The following EXOC2 variants were observed in gnomAD, a reference collection of about 807,000 sequenced individuals.
EXOC2 encodes SEC5-like 1.
In EXOC2, 70 loss-of-function variants were observed where a neutral mutation model predicts 131.8. That is an observed-to-expected ratio of 0.53 (90% CI 0.44 to 0.65). The LOEUF is 0.65. Among genes scored for constraint, EXOC2 ranks in the 30% least tolerant of loss-of-function variants. The probability of loss-of-function intolerance (pLI) is 0.00; values close to 1 mark genes in which losing one functional copy is unlikely to be tolerated. For missense variants in EXOC2, 923 were observed against 1,108.6 expected (o/e 0.83, Z 2.38); for synonymous variants, 411 against 398.4 (o/e 1.03, Z -0.38).
chr6:557,550 G>A (rs553543158), intron 17 of EXOC2, among the ~76,000 whole-genome samples: 9 of 150,850 alleles, frequency 6.0e-5, no homozygotes, highest in African/African-American at 1.2e-4. Context: ...CCTAGGAGGC[G>A]GAGGTTGCAG....
rs144338170 is a variant in EXOC2 at position 613,503 on chromosome 6, C to T, written c.662-3325G>A. 1.6e-3 allele frequency among the ~76,000 whole-genome samples: 244 copies of T among 152,310 alleles called. 1 individual carries two copies. Among genetic ancestry groups the T allele is most frequent in the African/African-American group, 4.8e-3 (200 of 41,552 alleles). On this transcript the variant is annotated intron_variant, in intron 6 of 27. Coordinates refer to ENST00000230449, the MANE Select transcript of EXOC2 (RefSeq NM_018303.6). The stretch of plus-strand genomic sequence containing the variant: ...GAGCAGAGAAGGGCTCTGATTTGTA[C>T]CTGTCCCCTGTGCCCAACACTGGAA...
At chr6:522,656 G>T (rs901040432) in intron 23 of EXOC2, among the ~76,000 whole-genome samples, 2 of 151,096 alleles carry the variant, frequency 1.3e-5, no homozygotes, top group African/African-American at 4.9e-5. Context: ...TCTCAGGCAG[G>T]TCCATGCGGA....
At chr6:497,056 T>C (rs556347938) in intron 25 of EXOC2, among the ~76,000 whole-genome samples, 2 of 152,224 alleles carry the variant, frequency 1.3e-5, no homozygotes, top group African/African-American at 2.4e-5. Context: ...TTGTTAAAAA[T>C]TTCCTGCGGA....
At chr6:533,831 T>C (rs139483949) in intron 22 of EXOC2, among the ~76,000 whole-genome samples, 60 of 152,218 alleles carry the variant, frequency 3.9e-4, no homozygotes, top group Middle Eastern at 3.4e-3. Flanking sequence ...CTGAGAGGGA[T>C]AGGCTTCTCT....
chr6:561,730 C>T (rs536130903), intron 17 of EXOC2, among the ~76,000 whole-genome samples: 4 of 152,196 alleles, frequency 2.6e-5, no homozygotes, highest in East Asian at 3.9e-4. Flanking sequence ...GGATTACAGG[C>T]GCCCACCACC....
chr6:490,755 C>T (rs1157611906), intron 26 of EXOC2, among the ~76,000 whole-genome samples: 1 of 152,164 alleles, frequency 6.6e-6, no homozygotes, highest in Non-Finnish European at 1.5e-5. Flanking sequence ...TAAAAATTAT[C>T]AAATTTCCAC....
At chr6:605,481 C>A (rs147962820) in intron 7 of EXOC2, among the ~76,000 whole-genome samples, 2 of 152,046 alleles carry the variant, frequency 1.3e-5, no homozygotes, top group Non-Finnish European at 2.9e-5. Flanking sequence ...TTTTCTAGTT[C>A]ATTTGCGTAG....
intron 1 of EXOC2, among the ~76,000 whole-genome samples, chr6:655,326 GAT>G (rs1763023781): frequency 6.6e-6 from 1 of 152,218 alleles, no homozygotes; most frequent in Non-Finnish European, 1.5e-5. Flanking sequence ...TTAAAATTAA[GAT>G]GTGTACATTT....
At chr6:653,879 G>A (rs1344902681) in intron 1 of EXOC2, among the ~76,000 whole-genome samples, 1 of 152,224 alleles carries the variant, frequency 6.6e-6, no homozygotes, top group Non-Finnish European at 1.5e-5. Flanking sequence ...AGGGGCTAAT[G>A]TAGCTGGTAA....
intron 10 of EXOC2, among the ~76,000 whole-genome samples, chr6:596,805 A>T (rs1488690560): frequency 6.6e-6 from 1 of 152,242 alleles, no homozygotes; most frequent in Non-Finnish European, 1.5e-5. Context: ...AAAATAATTT[A>T]TTCTGAGAAC....
At chr6:565,303 A>G (rs1757915054) in intron 13 of EXOC2, among the ~76,000 whole-genome samples, 1 of 152,246 alleles carries the variant, frequency 6.6e-6, no homozygotes, top group South Asian at 2.1e-4. Flanking sequence ...TAGTAAAGAA[A>G]CCAAAGGAAG....
chr6:670,301 G>A (rs1254735786), intron 1 of EXOC2: 1 of 152,194 alleles, frequency 6.6e-6, no homozygotes, highest in Non-Finnish European at 1.5e-5. Context: ...CCCTTCTGGT[G>A]GCAGTACTAT....
chr6:570,442 T>A (rs1302002969), intron 13 of EXOC2, among the ~76,000 whole-genome samples: 1 of 152,132 alleles, frequency 6.6e-6, no homozygotes, highest in East Asian at 1.9e-4. Flanking sequence ...CCTAAAAGAG[T>A]AATTCTAATT....
chr6:493,616 T>C (rs1763559084), intron 25 of EXOC2, among the ~76,000 whole-genome samples: 1 of 152,208 alleles, frequency 6.6e-6, no homozygotes, highest in Non-Finnish European at 1.5e-5. Context: ...CACTCCCCTT[T>C]TCACCAAGCT....
intron 22 of EXOC2, among the ~76,000 whole-genome samples, chr6:536,983 G>T (rs968614271): frequency 3.3e-5 from 5 of 152,146 alleles, no homozygotes; most frequent in Non-Finnish European, 7.3e-5. Flanking sequence ...ATGAGCTGGG[G>T]TTAAACAGCA....
intron 11 of EXOC2, among the ~76,000 whole-genome samples, chr6:587,833 A>G (rs1215645382): frequency 6.6e-6 from 1 of 152,358 alleles, no homozygotes; most frequent in East Asian, 1.9e-4. Context: ...CATATTTAAA[A>G]AATATTCATA....
chr6:516,792 C>A (rs762725848), intron 23 of EXOC2, among the ~76,000 whole-genome samples: 2 of 152,142 alleles, frequency 1.3e-5, no homozygotes, highest in Non-Finnish European at 2.9e-5. Context: ...TAAACAAAAC[C>A]AGGTCAAGTG....
At chr6:613,797 G>C (rs1206996234) in intron 6 of EXOC2, among the ~76,000 whole-genome samples, 3 of 151,812 alleles carry the variant, frequency 2.0e-5, no homozygotes, top group African/African-American at 7.3e-5. Context: ...TGAGTTAATG[G>C]GTGCAGCACA....
chr6:642,717 A>G (rs9378993), intron 1 of EXOC2, among the ~76,000 whole-genome samples: 107,716 of 152,084 alleles, frequency 0.71, 38,800 homozygotes, highest in Middle Eastern at 0.88. Context: ...AATGCAATGC[A>G]AATTCTAGAA....
Sources: gnomAD v4.1 joint callset for allele counts (sites outside exome capture counted in the v4.1 genomes callset) on GRCh38, gnomAD v4.1.1 for gene constraint, MANE v1.5 for transcripts, NCBI Gene and HGNC (gene_info 2026-07-23, HGNC 2026-07-21) for gene names.